The following FZD6 variants were observed in gnomAD, a reference collection of about 807,000 sequenced individuals.
The protein encoded by FZD6 is frizzled-6.
In FZD6, 49 loss-of-function variants were observed where a neutral mutation model predicts 61.4. The observed-to-expected ratio is 0.80, with a 90% CI of 0.63 to 1.01. The LOEUF (loss-of-function observed/expected upper bound fraction) is 1.01, where lower values mean the gene tolerates loss of function less well. Ranked by LOEUF, FZD6 falls within the 50% of genes least tolerant of loss-of-function variation. FZD6 has a pLI of 0.00. For missense variants in FZD6, 724 were observed against 848.2 expected, an observed-to-expected ratio of 0.85 and a Z score of 1.82; for synonymous variants, 265 against 292.2, an observed-to-expected ratio of 0.91 and a Z score of 0.95.
intron 2 of FZD6, among the ~76,000 whole-genome samples, chr8:103,305,074 A>G (rs1047254975): frequency 2.0e-5 from 3 of 152,270 alleles, no homozygotes; most frequent in African/African-American, 7.2e-5. Context: ...TGGAAAAACA[A>G]ATGGCTACTG....
chr8:103,324,557 G>C lies in FZD6; in HGVS notation c.451G>C (p.Glu151Gln). ...ATTTCTTGGTCCTCAGAAGAAAACA[G>C]AACAAGTCCAAAGAGACATTGGATT... ...TEFLGPQKKTEQVQRDIGFWC... is the reference protein window; with the variant it reads ...TEFLGPQKKTQQVQRDIGFWC... The change falls in exon 4 of 7, where the codon GAA becomes CAA. Residue 151 changes from glutamate to glutamine, a missense_variant. Physicochemically the swap from Glu to Gln is conservative, Grantham distance 29. Transcript: ENST00000358755. 1 of 1,613,106 alleles carries C rather than the reference G, an allele frequency of 6.2e-7. No individual in the cohort carries two copies. The highest frequency in any genetic ancestry group is 1.1e-5 in the South Asian group (1 of 91,060).
rs1563682613 is a variant in FZD6, at chr8:103,300,176, CT to C, written c.70del (p.Cys24ValfsTer10). On this transcript the variant is annotated frameshift_variant, in exon 2 of 7. Coordinates refer to ENST00000358755, the MANE Select transcript of FZD6 (RefSeq NM_003506.4). LOFTEE classifies it high-confidence loss of function. ...TCCTAAGAGGGCACAGTCTCTTCAC[CT>C]GTGAACCAATTACTGTTCCCAGATG... ...PLLRGHSLFT[C>X]EPITVPRCMK... The C allele has an allele frequency of 1.9e-6, 3 of 1,603,400 alleles. No homozygotes were observed. In the South Asian group the frequency reaches 3.3e-5, roughly 18 times the overall value.
chr8:103,312,387 G>A (rs1048878736), intron 2 of FZD6, among the ~76,000 whole-genome samples: 8 of 152,318 alleles, frequency 5.3e-5, no homozygotes, highest in Middle Eastern at 3.4e-3. Flanking sequence ...TAAGAGAGTT[G>A]AAGAAGGTGG....
intron 2 of FZD6, among the ~76,000 whole-genome samples, chr8:103,313,608 GCA>G (rs1017180744): frequency 2.0e-5 from 3 of 152,168 alleles, no homozygotes; most frequent in African/African-American, 7.2e-5. Flanking sequence ...GTGCATGTGT[GCA>G]CACACAGACA....
At chr8:103,310,139 A>G (rs1814452280) in intron 2 of FZD6, among the ~76,000 whole-genome samples, 1 of 152,162 alleles carries the variant, frequency 6.6e-6, no homozygotes, top group African/African-American at 2.4e-5. Flanking sequence ...TCAGTTTCCT[A>G]GTTACAATAT....
intron 6 of FZD6, among the ~76,000 whole-genome samples, chr8:103,330,937 G>A (rs1179174228): frequency 1.3e-5 from 2 of 152,254 alleles, no homozygotes; most frequent in Admixed American, 1.3e-4. Context: ...CAGCACTTTG[G>A]GAGGCCAAGG....
At chr8:103,306,135 G>C (rs761139657) in intron 2 of FZD6, among the ~76,000 whole-genome samples, 1 of 152,158 alleles carries the variant, frequency 6.6e-6, no homozygotes, top group Non-Finnish European at 1.5e-5. Context: ...AATTTCCAAA[G>C]GTACTCTCTT....
rs1815159954 is a variant in FZD6 at position 103,332,197 on chromosome 8, T to A, written c.*688T>A. 1 of 152,658 alleles carries A rather than the reference T, an allele frequency of 6.6e-6. No individual in the cohort carries two copies. The highest frequency in any genetic ancestry group is 2.4e-5 in the African/African-American group (1 of 41,470). The allele number at this position is 152,658 out of a possible 1,614,324, so 9.5% of individuals were successfully genotyped here. A position where few individuals can be genotyped will look rare whatever the true frequency, so the allele number is the denominator to read the frequency against. On this transcript the variant is annotated 3_prime_UTR_variant, in exon 7 of 7. Transcript: ENST00000358755. ...AAATTATGTAACTGAAATAAGGTGC[T>A]TACTCAAAGAGTGTCCACTATTGAT...
At chr8:103,327,907 G>A (rs1424424865) in intron 4 of FZD6, among the ~76,000 whole-genome samples, 1 of 152,042 alleles carries the variant, frequency 6.6e-6, no homozygotes, top group Non-Finnish European at 1.5e-5. Context: ...ATGTATTTTT[G>A]TGGTAGATTA....
chr8:103,303,136 C>G (rs1470614230), intron 2 of FZD6, among the ~76,000 whole-genome samples: 1 of 152,168 alleles, frequency 6.6e-6, no homozygotes. Flanking sequence ...CTAGAGCACT[C>G]CAGGCCCTTC....
Position 103,329,832 on chromosome 8 carries a change from A to G in FZD6, c.1719A>G (p.Val573=), listed in dbSNP as rs774519399. 12 of 1,613,926 alleles carry G rather than the reference A, an allele frequency of 7.4e-6. No homozygotes were observed. The South Asian group carries it at 1.2e-4, about 16-fold the overall frequency. The part of the protein sequence containing the change: ...GATANHGTSA[V]AITSHDYLGQ... ...CAGCAAATCATGGCACTTCTGCAGT[A>G]GCAATTACTAGCCATGATTACCTAG... Residue 573 remains valine, a synonymous_variant, in exon 6 of 7, where the codon GTA becomes GTG. Coordinates refer to ENST00000358755, the MANE Select transcript of FZD6 (RefSeq NM_003506.4).
chr8:103,329,013 T>TTTTTTATATATATA (rs143400765), intron 5 of FZD6, among the ~76,000 whole-genome samples: 17 of 115,176 alleles, frequency 1.5e-4, no homozygotes, highest in African/African-American at 5.0e-4. Context: ...CATTTTAGTT[T>TTTTTTATATATATA]TATATATATA....
intron 3 of FZD6, among the ~76,000 whole-genome samples, chr8:103,319,577 G>A (rs1252497598): frequency 6.6e-6 from 1 of 152,174 alleles, no homozygotes; most frequent in East Asian, 1.9e-4. Context: ...TCAGCCAGGT[G>A]GATGGGAGAG....
Position 103,325,137 on chromosome 8 carries a change from C to T in FZD6, c.1031C>T (p.Ala344Val). 1 of 1,614,068 alleles carries T rather than the reference C, an allele frequency of 6.2e-7. No individual in the cohort carries two copies. ...GGTTTCCTGACTGTTATGCTTCTTGCTATGAACAAAGTTGAAGGAGACAAC... is the reference window on the plus strand; with the variant it reads ...GGTTTCCTGACTGTTATGCTTCTTGTTATGAACAAAGTTGAAGGAGACAAC... ...TPGFLTVMLL[A>V]MNKVEGDNIS... The change falls in exon 4 of 7, where the codon GCT becomes GTT. Residue 344 changes from alanine to valine, a missense_variant. Transcript: ENST00000358755.
At chr8:103,312,838 G>A (rs1814535236) in intron 2 of FZD6, among the ~76,000 whole-genome samples, 1 of 152,194 alleles carries the variant, frequency 6.6e-6, no homozygotes, top group Non-Finnish European at 1.5e-5. Flanking sequence ...TCTGGAATGT[G>A]ATCAACATAG....
chr8:103,329,002 TC>T (rs1355344993), intron 5 of FZD6, among the ~76,000 whole-genome samples: 1 of 123,986 alleles, frequency 8.1e-6, no homozygotes, highest in Non-Finnish European at 1.7e-5. Context: ...TATGAGTAAT[TC>T]ATTTTAGTTT....
chr8:103,303,918 T>A (rs1322382661), intron 2 of FZD6, among the ~76,000 whole-genome samples: 1 of 116,160 alleles, frequency 8.6e-6, no homozygotes, highest in East Asian at 2.2e-4. Flanking sequence ...ATAAGCTATA[T>A]GAGTCAGTTT....
chr8:103,326,682 G>A (rs1814960217), intron 4 of FZD6, among the ~76,000 whole-genome samples: 1 of 135,780 alleles, frequency 7.4e-6, no homozygotes. Context: ...TTTTTTTAAA[G>A]ATTCTGCGTG....
At chr8:103,328,041 T>C (rs780268887) in intron 4 of FZD6, among the ~76,000 whole-genome samples, 3 of 152,212 alleles carry the variant, frequency 2.0e-5, no homozygotes, top group Admixed American at 6.5e-5. Context: ...TTCTTAAATA[T>C]ATTTCAGTAT....
Sources: allele counts gnomAD v4.1 joint callset (sites outside exome capture counted in the v4.1 genomes callset), GRCh38; gene constraint gnomAD v4.1.1; transcripts MANE v1.5; gene names NCBI Gene and HGNC (gene_info 2026-07-23, HGNC 2026-07-21).